The following FBXL7 variants were observed in gnomAD, a reference collection of about 807,000 sequenced individuals.
FBXL7 encodes the protein F-box/LRR-repeat protein 7.
FBXL7 carries 12 observed loss-of-function variants against 38.3 expected under a neutral mutation model. That is an observed-to-expected ratio of 0.31 (90% CI 0.20 to 0.51). FBXL7 has a LOEUF of 0.51. FBXL7 is among the 20% of genes least tolerant of loss of function. The pLI is 0.98. For missense variants in FBXL7, 567 were observed against 676.4 expected (o/e 0.84, Z 1.79); for synonymous variants, 297 against 300.9 (o/e 0.99, Z 0.13).
At chr5:15,642,196 C>T (rs1036088931) in intron 2 of FBXL7, among the ~76,000 whole-genome samples, 11 of 152,088 alleles carry the variant, frequency 7.2e-5, no homozygotes, top group Non-Finnish European at 1.3e-4. Flanking sequence ...GATCTCTTTC[C>T]ACTCCTCCCT....
intron 2 of FBXL7, among the ~76,000 whole-genome samples, chr5:15,872,655 T>G (rs1373842135): frequency 6.6e-6 from 1 of 152,006 alleles, no homozygotes; most frequent in Non-Finnish European, 1.5e-5. Flanking sequence ...TAAAACAGAC[T>G]TTAAACCAAC....
chr5:15,777,371 T>C (rs1736881766), intron 2 of FBXL7, among the ~76,000 whole-genome samples: 1 of 152,084 alleles, frequency 6.6e-6, no homozygotes, highest in Non-Finnish European at 1.5e-5. Context: ...GTGTTTATGC[T>C]TGAAACTAAC....
In FBXL7 at chr5:15,723,490, A is replaced by T. The variant is rs545858568; in HGVS notation, c.127+107418A>T. Among the ~76,000 whole-genome samples the T allele has an allele frequency of 2.0e-5, 3 of 152,344 alleles. No individual in the cohort carries two copies. The East Asian group carries it at 5.8e-4, about 29-fold the overall frequency. ...CTGACTTCCAGCGTTGCAGATTTCC[A>T]TGGTATAAATACTCCTACAGTTGCT... On this transcript the variant is annotated intron_variant, in intron 2 of 3. Coordinates refer to ENST00000504595, the MANE Select transcript of FBXL7 (RefSeq NM_012304.5).
intron 2 of FBXL7, among the ~76,000 whole-genome samples, chr5:15,851,075 T>C (rs1039122605): frequency 1.3e-5 from 2 of 152,182 alleles, no homozygotes; most frequent in African/African-American, 4.8e-5. Context: ...CCTTTCTTGA[T>C]AGACAGCATT....
At chr5:15,588,301 A>C (rs1473035101) in intron 1 of FBXL7, among the ~76,000 whole-genome samples, 1 of 152,186 alleles carries the variant, frequency 6.6e-6, no homozygotes, top group Non-Finnish European at 1.5e-5. Context: ...ATTTTACTGC[A>C]CATTGTAAAT....
At chr5:15,572,553 T>C (rs1023285783) in intron 1 of FBXL7, among the ~76,000 whole-genome samples, 4 of 152,180 alleles carry the variant, frequency 2.6e-5, no homozygotes, top group African/African-American at 9.7e-5. Flanking sequence ...CCTGTCATCT[T>C]TGACTTTGAA....
At position 15,500,621 on chromosome 5, in the gene FBXL7, G is replaced by A. The variant is rs1736462162; in HGVS notation, c.-56G>A. ...GGCTTTCCTCGGGCCGAGCGCGCAGGACGTGCGCCGCAGCTATGGAGTGTC... is the reference window on the plus strand; with the variant it reads ...GGCTTTCCTCGGGCCGAGCGCGCAGAACGTGCGCCGCAGCTATGGAGTGTC... On this transcript the variant is annotated 5_prime_UTR_variant, in exon 1 of 4. Coordinates refer to ENST00000504595, the MANE Select transcript of FBXL7 (RefSeq NM_012304.5). 7.4e-6 allele frequency: 12 copies of A among 1,612,216 alleles called. No individual in the cohort carries two copies. The highest frequency in any genetic ancestry group is 1.0e-5 in the Non-Finnish European group (12 of 1,178,622).
chr5:15,753,385 G>T (rs1035005909), intron 2 of FBXL7, among the ~76,000 whole-genome samples: 3 of 152,276 alleles, frequency 2.0e-5, no homozygotes, highest in African/African-American at 2.4e-5. Context: ...TAGTATTTGT[G>T]ACTTAGCAGA....
chr5:15,640,824 G>A (rs562697080), intron 2 of FBXL7, among the ~76,000 whole-genome samples: 36 of 152,234 alleles, frequency 2.4e-4, no homozygotes, highest in Non-Finnish European at 3.7e-4. Context: ...GTGCCTGGCC[G>A]GGGTGAGGGC....
intron 2 of FBXL7, among the ~76,000 whole-genome samples, chr5:15,899,115 G>T (rs1057029852): frequency 6.6e-6 from 1 of 152,042 alleles, no homozygotes; most frequent in East Asian, 1.9e-4. Flanking sequence ...TGCCCAGGCT[G>T]GAGTGCAATG....
intron 2 of FBXL7, among the ~76,000 whole-genome samples, chr5:15,904,699 T>C (rs879643841): frequency 1.1e-4 from 16 of 152,120 alleles, no homozygotes; most frequent in Non-Finnish European, 1.8e-4. Context: ...ATTTCATATA[T>C]ATTTGGCTGT....
chr5:15,614,302 C>T (rs1740368751), intron 1 of FBXL7, among the ~76,000 whole-genome samples: 1 of 150,268 alleles, frequency 6.7e-6, no homozygotes, highest in Non-Finnish European at 1.5e-5. Flanking sequence ...CGGGCTCTCA[C>T]TCTGTTGCCC....
intron 2 of FBXL7, among the ~76,000 whole-genome samples, chr5:15,630,626 G>A (rs1740965466): frequency 6.6e-6 from 1 of 151,898 alleles, no homozygotes; most frequent in Non-Finnish European, 1.5e-5. Context: ...ATTATCTTTT[G>A]CAAGTGATAT....
chr5:15,785,142 A>G (rs925483916), intron 2 of FBXL7, among the ~76,000 whole-genome samples: 5 of 152,208 alleles, frequency 3.3e-5, no homozygotes, highest in African/African-American at 1.2e-4. Context: ...CAAGGTTAAA[A>G]AGAATCACTG....
At chr5:15,752,173 G>GGT (rs397805707) in intron 2 of FBXL7, among the ~76,000 whole-genome samples, 2 of 151,864 alleles carry the variant, frequency 1.3e-5, no homozygotes, top group Non-Finnish European at 2.9e-5. Context: ...AGGGGGCTAG[G>GGT]AGGGATAACA....
intron 2 of FBXL7, among the ~76,000 whole-genome samples, chr5:15,927,669 G>T (rs1432189967): frequency 2.7e-5 from 4 of 150,550 alleles, no homozygotes; most frequent in African/African-American, 9.8e-5. Context: ...CAGCTACTCG[G>T]GAGGCTGAGT....
At chr5:15,726,019 AG>A (rs2126657587) in intron 2 of FBXL7, among the ~76,000 whole-genome samples, 1 of 152,206 alleles carries the variant, frequency 6.6e-6, no homozygotes, top group East Asian at 1.9e-4. Flanking sequence ...CAATTCTGAC[AG>A]TTTTTGCCTC....
At position 15,794,764 on chromosome 5, in the gene FBXL7, G is replaced by T. The variant is rs540965486; in HGVS notation, c.128-133126G>T. ...AGTGATCACACAATTGTATGCTGAC[G>T]TTAGTCTCCTCTGTTCCTGCCTTAC... On this transcript the variant is annotated intron_variant, in intron 2 of 3. Transcript: ENST00000504595. Among the ~76,000 whole-genome samples the T allele has an allele frequency of 5.3e-5, 8 of 152,200 alleles. No individual in the cohort carries two copies. The East Asian group carries it at 1.5e-3, about 29-fold the overall frequency.
At position 15,760,883 on chromosome 5, in the gene FBXL7, A is replaced by G. The variant is rs531930648; in HGVS notation, c.127+144811A>G. Among the ~76,000 whole-genome samples the G allele has an allele frequency of 9.8e-5, 15 of 152,328 alleles. No homozygotes were observed. The South Asian group carries it at 3.1e-3, about 32-fold the overall frequency. ...TTAACTCCCACTTAGCAAAATGTCAAATGGGAAATATTGCAGAAACCTGTA... is the reference window on the plus strand; with the variant it reads ...TTAACTCCCACTTAGCAAAATGTCAGATGGGAAATATTGCAGAAACCTGTA... On this transcript the variant is annotated intron_variant, in intron 2 of 3. Coordinates refer to ENST00000504595, the MANE Select transcript of FBXL7 (RefSeq NM_012304.5).
Sources: allele counts gnomAD v4.1 joint callset (sites outside exome capture counted in the v4.1 genomes callset), GRCh38; gene constraint gnomAD v4.1.1; transcripts MANE v1.5; gene names NCBI Gene and HGNC (gene_info 2026-07-23, HGNC 2026-07-21).